Variants in CACNA1C observed in about 807,000 individuals in gnomAD.
The protein encoded by CACNA1C is calcium voltage-gated channel subunit alpha1 C.
Under a neutral mutation model 229.0 loss-of-function variants are expected in CACNA1C, and 30 were observed. The ratio of observed to expected loss-of-function variants is 0.13; its 90% CI spans 0.10 to 0.18. CACNA1C has a LOEUF of 0.18. Ranked by LOEUF, CACNA1C falls within the 10% of genes least tolerant of loss-of-function variation. CACNA1C has a pLI of 1.00. For missense variants in CACNA1C, 1,658 were observed against 2,845.0 expected, an observed-to-expected ratio of 0.58 and a Z score of 9.49; for synonymous variants, 1,114 against 1,132.5, an observed-to-expected ratio of 0.98 and a Z score of 0.33.
intron 9 of CACNA1C, among the ~76,000 whole-genome samples, chr12:2,529,384 A>G (rs966422752): frequency 6.6e-6 from 1 of 152,242 alleles, no homozygotes; most frequent in African/African-American, 2.4e-5. Flanking sequence ...TATCTGTGGC[A>G]TTCATCTATC....
chr12:2,585,517 T>G lies in CACNA1C; in HGVS notation c.2460+21T>G. 6.5e-7 allele frequency: 1 copy of G among 1,540,414 alleles called. No individual in the cohort carries two copies. The highest frequency in any genetic ancestry group is 8.8e-7 in the Non-Finnish European group (1 of 1,140,420). On this transcript the variant is annotated intron_variant, in intron 17 of 46. Coordinates refer to ENST00000399655, the MANE Select transcript of CACNA1C (RefSeq NM_000719.7). The surrounding 1 kb of genome is among the most constrained non-coding windows in gnomAD (Gnocchi z 4.1). The stretch of plus-strand genomic sequence containing the variant: ...CCAAGGTGAGGAGCTGTCTCCTTCC[T>G]GGAGCTGTGAGGCCGGTGCTGGGGA...
intron 1 of CACNA1C, among the ~76,000 whole-genome samples, chr12:2,111,325 C>A (rs1221683382): frequency 6.6e-6 from 1 of 152,236 alleles, no homozygotes; most frequent in African/African-American, 2.4e-5. Context: ...GGGCTCTGCA[C>A]AGCCAGCTGC....
chr12:2,559,749 G>A (rs1346076854), intron 11 of CACNA1C, among the ~76,000 whole-genome samples: 1 of 152,148 alleles, frequency 6.6e-6, no homozygotes, highest in South Asian at 2.1e-4. Flanking sequence ...TTGTGATGAG[G>A]TTCTGCCCGG....
In CACNA1C at chr12:2,597,988, C is replaced by T. The variant is rs1387785400; in HGVS notation, c.2853+699C>T. ...TCCTTAGCACCTTCCTCAGTACTTG[C>T]AGCAGATATTGGGTCTAAGCTGGAG... is the stretch of plus-strand genomic sequence containing the variant. On this transcript the variant is annotated intron_variant, in intron 21 of 46. Transcript: ENST00000399655. The surrounding 1 kb of genome is among the most constrained non-coding windows in gnomAD (Gnocchi z 4.3). Among the ~76,000 whole-genome samples the T allele has an allele frequency of 6.6e-6, 1 of 152,248 alleles. No individual in the cohort carries two copies. Among genetic ancestry groups the T allele is most frequent in the Non-Finnish European group, 1.5e-5 (1 of 68,038 alleles).
At chr12:2,013,588 A>G (rs538065042) in intron 1 of CACNA1C, among the ~76,000 whole-genome samples, 3 of 152,276 alleles carry the variant, frequency 2.0e-5, no homozygotes, top group Non-Finnish European at 2.9e-5. Flanking sequence ...GATGCAAAAA[A>G]CACAGATACA....
At chr12:2,045,839 G>T (rs1029312577) in intron 1 of CACNA1C, among the ~76,000 whole-genome samples, 1 of 151,892 alleles carries the variant, frequency 6.6e-6, no homozygotes, top group Non-Finnish European at 1.5e-5. Flanking sequence ...CAGGAAAAAG[G>T]GTCTTTGCAG....
chr12:2,000,229 T>C (rs952033660), intron 1 of CACNA1C, among the ~76,000 whole-genome samples: 3 of 152,238 alleles, frequency 2.0e-5, no homozygotes, highest in Non-Finnish European at 4.4e-5. Context: ...ATCCATTACA[T>C]TGTTAGGAAA....
intron 1 of CACNA1C, among the ~76,000 whole-genome samples, chr12:2,115,011 C>T (rs1055183729): frequency 6.6e-6 from 1 of 152,240 alleles, no homozygotes; most frequent in African/African-American, 2.4e-5. Context: ...CGGAGTGACA[C>T]GCCCAAGGTC....
chr12:2,256,957 A>C (rs747192600), intron 3 of CACNA1C, among the ~76,000 whole-genome samples: 1 of 152,132 alleles, frequency 6.6e-6, no homozygotes, highest in Non-Finnish European at 1.5e-5. Context: ...CTTCTATTAC[A>C]CCAGATATGT....
chr12:2,646,512 A>G lies in CACNA1C; in HGVS notation c.3913-1963A>G, dbSNP rs1267774456. The G allele has an allele frequency of 6.6e-6, 1 of 152,196 alleles. No individual in the cohort carries two copies. The highest frequency in any genetic ancestry group is 2.4e-5 in the African/African-American group (1 of 41,434). 9.4% of individuals were successfully genotyped at this position (152,196 alleles called of 1,614,324 possible). On this transcript the variant is annotated intron_variant, in intron 30 of 46. Transcript: ENST00000399655. The surrounding 1 kb of genome is among the most constrained non-coding windows in gnomAD (Gnocchi z 4.6). ...TCAAGCTTCCTGGGAGCTCTGCCCAACACTCAGGAGTTAACATGGTGTAGG... is the reference window on the plus strand; with the variant it reads ...TCAAGCTTCCTGGGAGCTCTGCCCAGCACTCAGGAGTTAACATGGTGTAGG...
intron 3 of CACNA1C, among the ~76,000 whole-genome samples, chr12:2,233,988 C>T (rs1219401125): frequency 6.6e-6 from 1 of 152,218 alleles, no homozygotes; most frequent in Admixed American, 6.5e-5. Context: ...CCACCCTTCC[C>T]ACTTGATTTA....
At chr12:2,683,986 A>C (rs1047870678) in intron 43 of CACNA1C, among the ~76,000 whole-genome samples, 1 of 152,224 alleles carries the variant, frequency 6.6e-6, no homozygotes, top group African/African-American at 2.4e-5. Context: ...CAGTTCCTGA[A>C]AGGACTTCAG....
At chr12:2,017,540 A>G (rs2045596814) in intron 1 of CACNA1C, among the ~76,000 whole-genome samples, 1 of 152,146 alleles carries the variant, frequency 6.6e-6, no homozygotes, top group Admixed American at 6.5e-5. Flanking sequence ...AGAGTTTTTC[A>G]CAGGGAGTGA....
chr12:2,031,210 G>A (rs754947207), intron 1 of CACNA1C, among the ~76,000 whole-genome samples: 5 of 152,162 alleles, frequency 3.3e-5, no homozygotes, highest in African/African-American at 7.2e-5. Context: ...CTCCTCATCC[G>A]AATTGGAGGG....
chr12:2,621,151 G>A (rs914074886), intron 29 of CACNA1C, among the ~76,000 whole-genome samples: 4 of 152,160 alleles, frequency 2.6e-5, no homozygotes, highest in Non-Finnish European at 5.9e-5. Context: ...CAGTGATGAT[G>A]TTGAAGCATG....
At chr12:2,489,629 A>G (rs2154571174) in intron 6 of CACNA1C, among the ~76,000 whole-genome samples, 1 of 152,302 alleles carries the variant, frequency 6.6e-6, no homozygotes, top group South Asian at 2.1e-4. Context: ...CCTAGAAATG[A>G]AATCATCTTC....
intron 3 of CACNA1C, among the ~76,000 whole-genome samples, chr12:2,428,079 T>C (rs2099050111): frequency 6.6e-6 from 1 of 152,228 alleles, no homozygotes; most frequent in Non-Finnish European, 1.5e-5. Context: ...TGCTTGTAAA[T>C]GGAAAACCTG....
chr12:2,050,327 G>A (rs372050583), upstream of CACNA1C, among the ~76,000 whole-genome samples: 104 of 152,250 alleles, frequency 6.8e-4, 1 homozygote, highest in Middle Eastern at 3.4e-3. Flanking sequence ...TTCAAGTCTC[G>A]AAGTCTCAGT....
In CACNA1C at chr12:2,548,595, T is replaced by A. The variant is rs1206382850; in HGVS notation, c.1391-1348T>A. On this transcript the variant is annotated intron_variant, in intron 9 of 46. Transcript: ENST00000399655. ...AAATGACATCTGGATTTTTTTTAAT[T>A]CAATTTTATTAAAAAGGTCAGAGAG... 2.0e-5 allele frequency among the ~76,000 whole-genome samples: 3 copies of A among 152,164 alleles called. No homozygotes were observed. In the East Asian group the frequency reaches 5.8e-4, roughly 29 times the overall value.
Sources: allele counts gnomAD v4.1 joint callset (sites outside exome capture counted in the v4.1 genomes callset), GRCh38; gene constraint gnomAD v4.1.1; non-coding constraint Gnocchi (gnomAD v3.1); transcripts MANE v1.5; gene names NCBI Gene and HGNC (gene_info 2026-07-23, HGNC 2026-07-21).